The following ZNF385D variants were observed in gnomAD, a reference collection of about 807,000 sequenced individuals.
ZNF385D encodes zinc finger protein 659.
In ZNF385D, 15 loss-of-function variants were observed where a neutral mutation model predicts 35.8. The ratio of observed to expected loss-of-function variants is 0.42; its 90% CI spans 0.28 to 0.64. ZNF385D has a LOEUF of 0.64. ZNF385D is among the 30% of genes least tolerant of loss of function. The probability of loss-of-function intolerance (pLI) is 0.23; values close to 1 mark genes in which losing one functional copy is unlikely to be tolerated. For synonymous variants in ZNF385D, 212 were observed against 186.8 expected, an observed-to-expected ratio of 1.13 and a Z score of -1.10; for missense variants, 474 against 494.6, an observed-to-expected ratio of 0.96 and a Z score of 0.39.
rs1471999209 is a variant in ZNF385D at position 21,741,631 on chromosome 3, TG to T, written c.22+9263del. On this transcript the variant is annotated intron_variant, in intron 1 of 7. Transcript: ENST00000281523. ...ACAGGAAGGGCAGAATATTTTGCCTTGTTTTTTTTTTTAAATAGTAGGTCCA... is the reference window on the plus strand; with the variant it reads ...ACAGGAAGGGCAGAATATTTTGCCTTTTTTTTTTTTTAAATAGTAGGTCCA... Among the ~76,000 whole-genome samples the T allele has an allele frequency of 1.5e-3, 97 of 65,288 alleles. 1 individual carries two copies. The highest frequency in any genetic ancestry group is 5.9e-3 in the Middle Eastern group (1 of 170). The allele number at this position is 65,288 out of a possible 152,430, so 42.8% of individuals were successfully genotyped here.
chr3:21,780,034 T>C (rs1386051018), intron 3 of ZNF385D, among the ~76,000 whole-genome samples: 2 of 151,958 alleles, frequency 1.3e-5, no homozygotes, highest in African/African-American at 4.8e-5. Context: ...TTGTGTTACA[T>C]GAAAGTGACT....
At chr3:22,130,234 G>T (rs1295451842) in intron 3 of ZNF385D, among the ~76,000 whole-genome samples, 9 of 152,082 alleles carry the variant, frequency 5.9e-5, no homozygotes, top group African/African-American at 2.2e-4. Flanking sequence ...TTCTCCCACA[G>T]TTGCAAGCTG....
intron 2 of ZNF385D, among the ~76,000 whole-genome samples, chr3:22,175,684 T>C (rs1694776625): frequency 6.6e-6 from 1 of 151,762 alleles, no homozygotes; most frequent in Non-Finnish European, 1.5e-5. Context: ...AGCATTTCCT[T>C]GTATTAGGAT....
chr3:21,942,874 G>A (rs559520800), intron 3 of ZNF385D, among the ~76,000 whole-genome samples: 1 of 152,160 alleles, frequency 6.6e-6, no homozygotes, highest in East Asian at 1.9e-4. Flanking sequence ...AAAAAACATA[G>A]GATTTCACCA....
chr3:22,337,438 G>C (rs1695224021), intron 2 of ZNF385D, among the ~76,000 whole-genome samples: 1 of 152,176 alleles, frequency 6.6e-6, no homozygotes, highest in Non-Finnish European at 1.5e-5. Flanking sequence ...AGAGGCAGAG[G>C]AGGGAGAATC....
chr3:21,811,551 A>C (rs2072922314), intron 3 of ZNF385D, among the ~76,000 whole-genome samples: 1 of 152,150 alleles, frequency 6.6e-6, no homozygotes, highest in Non-Finnish European at 1.5e-5. Context: ...ACAAAACAAA[A>C]TGGAGCTCAG....
At chr3:22,241,176 A>AT (rs1559473469) in intron 2 of ZNF385D, among the ~76,000 whole-genome samples, 1 of 151,154 alleles carries the variant, frequency 6.6e-6, no homozygotes, top group Non-Finnish European at 1.5e-5. Context: ...GTACTGAAAC[A>AT]TTTTTCTCCT....
chr3:22,162,324 T>G (rs900517106), intron 3 of ZNF385D, among the ~76,000 whole-genome samples: 1 of 152,272 alleles, frequency 6.6e-6, no homozygotes, highest in African/African-American at 2.4e-5. Flanking sequence ...AGCTGTCTTT[T>G]TGTGGGAGGG....
intron 2 of ZNF385D, among the ~76,000 whole-genome samples, chr3:22,353,997 G>A (rs530960798): frequency 1.3e-5 from 2 of 152,022 alleles, no homozygotes; most frequent in African/African-American, 2.4e-5. Flanking sequence ...AAACACATAT[G>A]CACCCTCCAT....
At chr3:21,513,202 C>T (rs532780521) in intron 3 of ZNF385D, among the ~76,000 whole-genome samples, 1 of 152,054 alleles carries the variant, frequency 6.6e-6, no homozygotes, top group East Asian at 1.9e-4. Context: ...TTAAGAAAGT[C>T]TTACACCAAA....
intron 2 of ZNF385D, among the ~76,000 whole-genome samples, chr3:22,171,665 AG>A (rs563165066): frequency 7.9e-5 from 12 of 152,160 alleles, no homozygotes; most frequent in African/African-American, 2.6e-4. Context: ...TCACAAGGTC[AG>A]GAGATCGAGA....
intron 2 of ZNF385D, among the ~76,000 whole-genome samples, chr3:22,368,624 G>A (rs896906960): frequency 1.3e-5 from 2 of 152,176 alleles, no homozygotes; most frequent in African/African-American, 2.4e-5. Context: ...CTGGTCTGCA[G>A]ATGGCTATCT....
intron 3 of ZNF385D, among the ~76,000 whole-genome samples, chr3:22,126,109 A>G (rs1400224624): frequency 6.6e-6 from 1 of 152,008 alleles, no homozygotes; most frequent in East Asian, 1.9e-4. Context: ...TTTTTGAGGG[A>G]TTGTATCATG....
intron 4 of ZNF385D, among the ~76,000 whole-genome samples, chr3:21,474,905 T>A (rs929002372): frequency 7.9e-5 from 12 of 152,106 alleles, no homozygotes; most frequent in African/African-American, 2.9e-4. Flanking sequence ...CTAAGACATA[T>A]CTGGTGTAAT....
At chr3:21,684,389 TCTCTCTCTCTCTCTC>T (rs1259299791) in intron 1 of ZNF385D, among the ~76,000 whole-genome samples, 1,536 of 86,344 alleles carry the variant, frequency 0.018, 53 homozygotes, top group African/African-American at 0.019. Context: ...TCTCTCTCTC[TCTCTCTCTCTCTCTC>T]CTCTCTCTCT....
At chr3:22,187,153 G>C (rs763820543) in intron 2 of ZNF385D, among the ~76,000 whole-genome samples, 1 of 152,032 alleles carries the variant, frequency 6.6e-6, no homozygotes, top group Non-Finnish European at 1.5e-5. Flanking sequence ...CAAAAATTTC[G>C]TGGCCATTCT....
intron 2 of ZNF385D, among the ~76,000 whole-genome samples, chr3:21,572,359 T>G (rs1467742971): frequency 2.0e-5 from 3 of 152,150 alleles, no homozygotes; most frequent in Non-Finnish European, 4.4e-5. Context: ...TAACAATATA[T>G]CCCAAGAAAC....
intron 3 of ZNF385D, among the ~76,000 whole-genome samples, chr3:22,164,091 T>A (rs1182029387): frequency 6.6e-6 from 1 of 152,072 alleles, no homozygotes; most frequent in Non-Finnish European, 1.5e-5. Context: ...GTAAAAGAAA[T>A]AATATGTTTC....
At chr3:22,358,449 G>GA (rs1696255760) in intron 2 of ZNF385D, among the ~76,000 whole-genome samples, 1 of 151,832 alleles carries the variant, frequency 6.6e-6, no homozygotes, top group Non-Finnish European at 1.5e-5. Flanking sequence ...GTAGCAGCTT[G>GA]AAGAAAGTTA....
Sources: gnomAD v4.1 joint callset for allele counts (sites outside exome capture counted in the v4.1 genomes callset) on GRCh38, gnomAD v4.1.1 for gene constraint, MANE v1.5 for transcripts, NCBI Gene and HGNC (gene_info 2026-07-23, HGNC 2026-07-21) for gene names.